The following TBX1 variants were observed in gnomAD, a reference collection of about 807,000 sequenced individuals.
TBX1 encodes T-box transcription factor TBX1.
TBX1 carries 16 observed loss-of-function variants against 40.8 expected under a neutral mutation model. That is an observed-to-expected ratio of 0.39 (90% CI 0.27 to 0.60). The LOEUF (loss-of-function observed/expected upper bound fraction) is 0.60. TBX1 is among the 20% of genes least tolerant of loss of function. TBX1 has a pLI of 0.51. For synonymous variants in TBX1, 403 were observed against 336.8 expected, an observed-to-expected ratio of 1.20 and a Z score of -2.15; for missense variants, 755 against 728.5, an observed-to-expected ratio of 1.04 and a Z score of -0.42.
chr22:19,772,825 C>T (rs1039275894), intron 8 of TBX1, among the ~76,000 whole-genome samples: 6 of 152,214 alleles, frequency 3.9e-5, no homozygotes, highest in East Asian at 1.9e-4. Flanking sequence ...TGAGGCAGTA[C>T]GTCTTCCCAG....
downstream of TBX1, among the ~76,000 whole-genome samples, chr22:19,771,406 G>A (rs1936987825): frequency 6.6e-6 from 1 of 152,250 alleles, no homozygotes; most frequent in Non-Finnish European, 1.5e-5. Context: ...CGGAGACTCA[G>A]TGTCTCTCTT....
At chr22:19,758,012 C>T (rs1445236133), upstream of TBX1, among the ~76,000 whole-genome samples, 5 of 152,162 alleles carry the variant, frequency 3.3e-5, no homozygotes. Flanking sequence ...CCCAGACAGG[C>T]AGCACTATTC....
Position 19,761,048 on chromosome 22 carries a change from G to T in TBX1, c.205G>T (p.Ala69Ser). The change falls in exon 1 of 7, where the codon GCC (alanine) becomes TCC (serine). Residue 69 changes from alanine (A) to serine (S), a missense_variant. By Grantham distance (99) the Ala-to-Ser change is moderately conservative. Transcript: ENST00000649276. ...YDPCAAAAPG[A>S]PGPPPPPHAY... ...CCCGTGCGCCGCCGCCGCCCCCGGC[G>T]CCCCGGGCCCGCCGCCGCCGCCGCA... 2 of 895,778 alleles carry T rather than the reference G, an allele frequency of 2.2e-6. No individual in the cohort carries two copies. Among genetic ancestry groups the T allele is most frequent in the Non-Finnish European group, 2.7e-6 (2 of 751,610 alleles). 55.5% of individuals were successfully genotyped at this position (895,778 alleles called of 1,614,324 possible). A position where few individuals can be genotyped will look rare whatever the true frequency, so the allele number is the denominator to read the frequency against.
chr22:19,780,739 G>A (rs1055287335), downstream of TBX1, among the ~76,000 whole-genome samples: 4 of 149,048 alleles, frequency 2.7e-5, no homozygotes, highest in Non-Finnish European at 4.4e-5. Context: ...CACCAATAGC[G>A]CACAAGGGTT....
chr22:19,765,849 T>C (rs1019354356), intron 5 of TBX1, 24 bp downstream of exon 5: 2 of 1,583,130 alleles, frequency 1.3e-6, no homozygotes, highest in African/African-American at 1.4e-5. Context: ...CCCGAGAGAG[T>C]GAGCGCCGGG....
At chr22:19,763,976 G>A (rs1329024577) in intron 2 of TBX1, among the ~76,000 whole-genome samples, 179 bp from the exon 3 acceptor site, 1 of 152,200 alleles carries the variant, frequency 6.6e-6, no homozygotes, top group Non-Finnish European at 1.5e-5. Context: ...GGGTGGGTGG[G>A]AGTTCTCTGT....
At chr22:19,778,607 G>A (rs910045021) in intron 8 of TBX1, among the ~76,000 whole-genome samples, 20 of 151,356 alleles carry the variant, frequency 1.3e-4, no homozygotes, top group Non-Finnish European at 1.9e-4. Flanking sequence ...GCTAATTTTT[G>A]TATTTTCAGT....
downstream of TBX1, among the ~76,000 whole-genome samples, chr22:19,780,776 G>GTTTTTTT (rs564336679): frequency 1.5e-3 from 174 of 119,078 alleles, 14 homozygotes; most frequent in Middle Eastern, 5.7e-3. Context: ...CTTGTTTTCT[G>GTTTTTTT]TTTTTTTTTT....
At chr22:19,776,530 G>A (rs914190680) in intron 8 of TBX1, among the ~76,000 whole-genome samples, 6 of 152,066 alleles carry the variant, frequency 3.9e-5, no homozygotes, top group East Asian at 1.9e-4. Flanking sequence ...AGGGGACCTC[G>A]GGCCACCCCA....
chr22:19,776,872 T>C (rs557320020), intron 8 of TBX1, among the ~76,000 whole-genome samples: 1 of 152,080 alleles, frequency 6.6e-6, no homozygotes, highest in East Asian at 1.9e-4. Context: ...GGAGGTGCCG[T>C]GCCGCGTGGC....
In TBX1 at chr22:19,763,325, G is replaced by A. The variant is rs1427153980; in HGVS notation, c.522G>A (p.Val174=). The change falls in exon 2 of 7, where the codon GTG becomes GTA. Residue 174 remains valine (V), a synonymous_variant. Transcript: ENST00000649276. ...DYMLLMDFVP[V]DDKRYRYAFH... ...TGCTGCTCATGGACTTCGTGCCGGT[G>A]GACGATAAGCGCTACCGGTGAGCGA... is the stretch of plus-strand genomic sequence containing the variant. The A allele has an allele frequency of 6.2e-7, 1 of 1,614,192 alleles. No individual in the cohort carries two copies. Among genetic ancestry groups the A allele is most frequent in the South Asian group, 1.1e-5 (1 of 91,088 alleles).
upstream of TBX1, among the ~76,000 whole-genome samples, chr22:19,757,698 G>A (rs1041898321): frequency 1.3e-5 from 2 of 152,202 alleles, no homozygotes; most frequent in African/African-American, 4.8e-5. Flanking sequence ...TGTCCTTCCT[G>A]CAGGAGCAGC....
chr22:19,760,543 G>A (rs1440675414), upstream of TBX1, among the ~76,000 whole-genome samples: 1 of 142,228 alleles, frequency 7.0e-6, no homozygotes, highest in African/African-American at 2.5e-5. Context: ...CCGGCGCACC[G>A]GTGAGCCGGT....
downstream of TBX1, among the ~76,000 whole-genome samples, chr22:19,770,204 C>T (rs535735286): frequency 2.0e-5 from 3 of 152,304 alleles, no homozygotes; most frequent in Admixed American, 6.5e-5. Context: ...CAGAAGGGCC[C>T]CCAGACTCCT....
intron 8 of TBX1, among the ~76,000 whole-genome samples, chr22:19,775,090 T>A (rs1239428251): frequency 1.3e-5 from 2 of 150,982 alleles, no homozygotes; most frequent in Non-Finnish European, 2.9e-5. Flanking sequence ...AATTTGTGGG[T>A]TTTTTGGTTT....
chr22:19,765,793 G>C lies in TBX1; in HGVS notation c.903G>C (p.Ala301=), dbSNP rs763843987. ...TCAAGATTGCCAGCAATCCCTTCGC[G>C]AAAGGCTTCCGGGACTGTGACCCTG... ...TQLKIASNPF[A]KGFRDCDPED... The change falls in exon 5 of 7, where the codon GCG becomes GCC. Residue 301 remains alanine (A), a synonymous_variant. Transcript: ENST00000649276. 13 of 1,611,308 alleles carry C rather than the reference G, an allele frequency of 8.1e-6. No individual in the cohort carries two copies. Among genetic ancestry groups the C allele is most frequent in the Non-Finnish European group, 9.3e-6 (11 of 1,179,124 alleles).
chr22:19,775,654 C>T (rs914484983), intron 8 of TBX1, among the ~76,000 whole-genome samples: 3 of 152,140 alleles, frequency 2.0e-5, no homozygotes, highest in Admixed American at 1.3e-4. Context: ...ACCACAGGTC[C>T]GGAGCCATGG....
chr22:19,759,436 C>A (rs1462300775), upstream of TBX1: 1 of 1,366,646 alleles, frequency 7.3e-7, no homozygotes, highest in Non-Finnish European at 9.4e-7. Flanking sequence ...CTGGGCTGGG[C>A]GCGGTGCGGC....
At chr22:19,758,010 G>T (rs572984562), upstream of TBX1, among the ~76,000 whole-genome samples, 3 of 152,222 alleles carry the variant, frequency 2.0e-5, no homozygotes, top group South Asian at 4.1e-4. Flanking sequence ...ATCCCAGACA[G>T]GCAGCACTAT....
Sources: allele counts gnomAD v4.1 joint callset (sites outside exome capture counted in the v4.1 genomes callset), GRCh38; gene constraint gnomAD v4.1.1; transcripts MANE v1.5; gene names NCBI Gene and HGNC (gene_info 2026-07-23, HGNC 2026-07-21).